The following EML6 variants were observed in gnomAD, a reference collection of about 807,000 sequenced individuals.
EML6 encodes EMAP like 6.
In EML6, 154 loss-of-function variants were observed where a neutral mutation model predicts 240.1. The observed-to-expected ratio is 0.64, with a 90% CI of 0.56 to 0.73. EML6 has a LOEUF of 0.73. Among genes scored for constraint, EML6 ranks in the 30% least tolerant of loss-of-function variants. The pLI, the probability that EML6 is intolerant of heterozygous loss-of-function variation, is 0.00. For missense variants in EML6, 2,964 were observed against 2,474.6 expected (o/e 1.20, Z -4.20); for synonymous variants, 1,148 against 899.0 (o/e 1.28, Z -4.95).
At chr2:54,956,453 C>T (rs551128428) in intron 32 of EML6, among the ~76,000 whole-genome samples, 38 of 152,088 alleles carry the variant, frequency 2.5e-4, no homozygotes, top group Non-Finnish European at 4.9e-4. Flanking sequence ...AATGTTAATC[C>T]TCTGAATCTT....
At chr2:54,881,362 T>A (rs1452809026) in intron 17 of EML6, 2 of 152,106 alleles carry the variant, frequency 1.3e-5, no homozygotes, top group Non-Finnish European at 2.9e-5. Context: ...TAGAAACTTT[T>A]AAAAACAGGA....
rs1672536987 is a variant in EML6 at position 54,892,676 on chromosome 2, A to G, written c.2742+20A>G. The G allele has an allele frequency of 2.0e-6, 3 of 1,535,642 alleles. No homozygotes were observed. Among genetic ancestry groups the G allele is most frequent in the Non-Finnish European group, 1.8e-6 (2 of 1,136,134 alleles). On this transcript the variant is annotated intron_variant, in intron 19 of 41. Coordinates refer to ENST00000356458, the MANE Select transcript of EML6 (RefSeq NM_001039753.4). ...GATAAGGTATGGCCTGTGTATCAGC[A>G]TTCATTTTCCTCATCAGCCTTCTAA...
intron 24 of EML6, among the ~76,000 whole-genome samples, chr2:54,910,557 T>C (rs1673584786): frequency 6.6e-6 from 1 of 152,248 alleles, no homozygotes; most frequent in Non-Finnish European, 1.5e-5. Flanking sequence ...GTTTTATTTC[T>C]AATTGCCATA....
At chr2:54,842,618 C>G (rs1422854925) in intron 7 of EML6, among the ~76,000 whole-genome samples, 2 of 152,216 alleles carry the variant, frequency 1.3e-5, no homozygotes, top group Non-Finnish European at 2.9e-5. Context: ...TGGAGCCCAT[C>G]ACATCCTGGC....
At chr2:54,797,987 G>C (rs1669912639) in intron 2 of EML6, among the ~76,000 whole-genome samples, 2 of 151,958 alleles carry the variant, frequency 1.3e-5, no homozygotes, top group East Asian at 1.9e-4. Context: ...TAGGACCCTT[G>C]TACTTCAATA....
Position 54,796,486 on chromosome 2 carries a change from T to C in EML6, c.198-16746T>C, listed in dbSNP as rs988500355. Among the ~76,000 whole-genome samples, 5 of 150,918 alleles carry C rather than the reference T, an allele frequency of 3.3e-5. No homozygotes were observed. In the East Asian group the frequency reaches 5.8e-4, roughly 17 times the overall value. ...GAGTAAAGTGAGCGCTTTTTTGTTT[T>C]GGTAAGTTTTTTTTTTCTTTTTTTT... On this transcript the variant is annotated intron_variant, in intron 2 of 41. Transcript: ENST00000356458.
At chr2:54,943,320 G>A (rs879750647) in intron 28 of EML6, among the ~76,000 whole-genome samples, 12 of 151,940 alleles carry the variant, frequency 7.9e-5, no homozygotes, top group Non-Finnish European at 1.6e-4. Context: ...CTTGGCCCCG[G>A]CCTCCTGTCC....
rs1676110140 is a variant in EML6, at chr2:54,953,965, A to G, written c.4313-18A>G. The G allele has an allele frequency of 6.5e-7, 1 of 1,538,090 alleles. No individual in the cohort carries two copies. The highest frequency in any genetic ancestry group is 8.8e-7 in the Non-Finnish European group (1 of 1,138,062). Reference sequence around the variant, plus strand: ...CATTTGTCAGCCTTACTTCTTTGTCATGCCTCTCCACACTCAGGGACAACA... The same window carrying G: ...CATTTGTCAGCCTTACTTCTTTGTCGTGCCTCTCCACACTCAGGGACAACA... On this transcript the variant is annotated intron_variant, in intron 31 of 41. Coordinates refer to ENST00000356458, the MANE Select transcript of EML6 (RefSeq NM_001039753.4).
intron 2 of EML6, among the ~76,000 whole-genome samples, chr2:54,789,683 T>C (rs1484175989): frequency 6.6e-6 from 1 of 152,168 alleles, no homozygotes; most frequent in Non-Finnish European, 1.5e-5. Context: ...CTTTACAAAC[T>C]CTACCTTATT....
intron 2 of EML6, among the ~76,000 whole-genome samples, chr2:54,771,408 G>A (rs1463903441): frequency 3.9e-5 from 6 of 152,188 alleles, no homozygotes; most frequent in South Asian, 2.1e-4. Context: ...ATCTTACACC[G>A]TGTCAGCAGT....
intron 8 of EML6, among the ~76,000 whole-genome samples, chr2:54,845,970 A>G (rs1669728875): frequency 6.6e-6 from 1 of 152,214 alleles, no homozygotes; most frequent in Non-Finnish European, 1.5e-5. Flanking sequence ...CCACAATTGC[A>G]CCCAACATGT....
At chr2:54,857,117 T>C (rs1670425145) in intron 11 of EML6, among the ~76,000 whole-genome samples, 1 of 152,116 alleles carries the variant, frequency 6.6e-6, no homozygotes, top group Non-Finnish European at 1.5e-5. Context: ...AAAAAGATAT[T>C]TGTCTCTGGG....
intron 12 of EML6, 120 bp from the exon 13 acceptor site, chr2:54,863,663 G>A: frequency 6.1e-6 from 4 of 656,894 alleles, no homozygotes; most frequent in Non-Finnish European, 1.1e-5. Flanking sequence ...TATATTAAAT[G>A]AAAACTATGG....
intron 2 of EML6, among the ~76,000 whole-genome samples, chr2:54,788,100 C>T (rs1405502972): frequency 6.6e-6 from 1 of 152,204 alleles, no homozygotes; most frequent in Non-Finnish European, 1.5e-5. Context: ...AACTAGCCAA[C>T]CACTGCCCTG....
At position 54,895,377 on chromosome 2, in the gene EML6, G is replaced by A; in HGVS notation, c.2959G>A (p.Gly987Ser). The change falls in exon 21 of 42, where the codon GGC (glycine) becomes AGC (serine). Residue 987 changes from glycine to serine, a missense_variant. Coordinates refer to ENST00000356458, the MANE Select transcript of EML6 (RefSeq NM_001039753.4). ...NGEILEIDKS[G>S]PMTLLVQGHM... ...AGAGATTCTGGAAATTGATAAGAGT[G>A]GCCCAATGACACTGCTTGTTCAGGT... is the stretch of plus-strand genomic sequence containing the variant. 1 of 1,551,958 alleles carries A rather than the reference G, an allele frequency of 6.4e-7. No individual in the cohort carries two copies. The highest frequency in any genetic ancestry group is 8.7e-7 in the Non-Finnish European group (1 of 1,146,956).
chr2:54,892,753 G>C (rs990073813), intron 19 of EML6, 97 bp downstream of exon 19: 3 of 864,382 alleles, frequency 3.5e-6, no homozygotes, highest in Non-Finnish European at 5.2e-6. Context: ...ATCTAAAACA[G>C]GCCTGTCTGA....
chr2:54,730,504 G>A (rs1016125685), intron 2 of EML6, among the ~76,000 whole-genome samples: 2 of 152,144 alleles, frequency 1.3e-5, no homozygotes, highest in African/African-American at 4.8e-5. Context: ...TCATGTATAT[G>A]TCATCCTATT....
chr2:54,894,808 A>G, intron 19 of EML6, 107 bp from the exon 20 acceptor site: 1 of 655,574 alleles, frequency 1.5e-6, no homozygotes. Context: ...ATATTTAGGA[A>G]GGTAGCATCC....
At chr2:54,793,618 A>G (rs913300458) in intron 2 of EML6, among the ~76,000 whole-genome samples, 6 of 152,102 alleles carry the variant, frequency 3.9e-5, no homozygotes, top group Non-Finnish European at 7.4e-5. Flanking sequence ...CCAAATATCT[A>G]TTCTTCCCTT....
Sources: gnomAD v4.1 joint callset for allele counts (sites outside exome capture counted in the v4.1 genomes callset) on GRCh38, gnomAD v4.1.1 for gene constraint, MANE v1.5 for transcripts, NCBI Gene and HGNC (gene_info 2026-07-23, HGNC 2026-07-21) for gene names.